FNDC3A: variants seen among roughly 807,000 people sequenced by gnomAD.
FNDC3A encodes the protein fibronectin type-III domain-containing protein 3A.
FNDC3A carries 32 observed loss-of-function variants against 148.9 expected under a neutral mutation model. That is an observed-to-expected ratio of 0.21 (90% CI 0.16 to 0.29). FNDC3A has a LOEUF of 0.29. Among genes scored for constraint, FNDC3A ranks in the 10% least tolerant of loss-of-function variants. The pLI is 1.00. For synonymous variants in FNDC3A, 472 were observed against 473.6 expected (o/e 1.00, Z 0.04); for missense variants, 1,191 against 1,452.8 (o/e 0.82, Z 2.93).
intron 2 of FNDC3A, among the ~76,000 whole-genome samples, chr13:49,041,661 A>G (rs921413241): frequency 9.2e-5 from 14 of 152,064 alleles, no homozygotes; most frequent in Non-Finnish European, 1.8e-4. Flanking sequence ...AACTACTAAA[A>G]TTGGCTGGGC....
chr13:49,146,547 G>GCC (rs1450340076), intron 8 of FNDC3A: 3 of 152,256 alleles, frequency 2.0e-5, no homozygotes, highest in Non-Finnish European at 2.9e-5. Context: ...GACCAGCCTG[G>GCC]CCAACACGGT....
At chr13:49,178,779 A>G (rs1407826) in intron 14 of FNDC3A, 125 bp downstream of exon 14, 544,128 of 550,618 alleles carry the variant, frequency 0.99, 268,928 homozygotes, top group South Asian at 1. Flanking sequence ...CTGTCACCCA[A>G]GCTGCTGCAG....
At chr13:48,989,898 C>G (rs1261373444) in intron 1 of FNDC3A, among the ~76,000 whole-genome samples, 1 of 152,008 alleles carries the variant, frequency 6.6e-6, no homozygotes, top group Non-Finnish European at 1.5e-5. Flanking sequence ...ATTACAGGTG[C>G]ATGCCACCAT....
intron 2 of FNDC3A, among the ~76,000 whole-genome samples, chr13:49,066,385 C>T (rs909088927): frequency 6.6e-6 from 1 of 151,414 alleles, no homozygotes; most frequent in Non-Finnish European, 1.5e-5. Context: ...TAGTTCATTG[C>T]TAGATAACCT....
intron 4 of FNDC3A, among the ~76,000 whole-genome samples, chr13:49,123,651 CA>C (rs1039246100): frequency 1.2e-3 from 157 of 134,850 alleles, no homozygotes; most frequent in African/African-American, 3.6e-3. Flanking sequence ...AACAAATTTA[CA>C]AAAAAAAAAA....
chr13:48,975,870 G>A (rs564487153), upstream of FNDC3A: 1,151 of 151,326 alleles, frequency 7.6e-3, 20 homozygotes, highest in African/African-American at 0.026. Flanking sequence ...CCGTCGGCGG[G>A]GCCCGCGCAG....
At chr13:49,020,013 T>A (rs996978080) in intron 2 of FNDC3A, among the ~76,000 whole-genome samples, 3 of 152,228 alleles carry the variant, frequency 2.0e-5, no homozygotes, top group African/African-American at 7.2e-5. Context: ...TACTTCATCT[T>A]AAGTTTGGAA....
intron 3 of FNDC3A, among the ~76,000 whole-genome samples, chr13:49,088,330 T>A (rs1878949286): frequency 6.6e-6 from 1 of 152,244 alleles, no homozygotes. Flanking sequence ...CACTTCATCA[T>A]GAAATTACTT....
At chr13:49,175,569 T>A in intron 13 of FNDC3A, 28 bp downstream of exon 13, 1 of 1,484,750 alleles carries the variant, frequency 6.7e-7, no homozygotes, top group Non-Finnish European at 9.2e-7. Context: ...TTTTAAATAG[T>A]GTATTTAAAA....
At chr13:49,177,674 A>G (rs1381419060) in intron 13 of FNDC3A, among the ~76,000 whole-genome samples, 2 of 152,244 alleles carry the variant, frequency 1.3e-5, no homozygotes, top group African/African-American at 4.8e-5. Flanking sequence ...AATGTGGTGT[A>G]TCCATACAAT....
chr13:49,174,500 A>C lies in FNDC3A; in HGVS notation c.1296A>C (p.Lys432Asn), dbSNP rs1313247013. ...CACAGAAACAATTTAAAATTACTAA[A>C]CTTTCACCAGCAATGGGCTGTAAAT... ...MGSQKQFKIT[K>N]LSPAMGCKFR... Residue 432 changes from lysine (K) to asparagine (N), a missense_variant, in exon 12 of 26, where the codon AAA becomes AAC. Coordinates refer to ENST00000492622, the MANE Select transcript of FNDC3A (RefSeq NM_001079673.2). The C allele has an allele frequency of 1.2e-6, 2 of 1,612,792 alleles. No homozygotes were observed. The highest frequency in any genetic ancestry group is 1.1e-5 in the South Asian group (1 of 91,016).
At chr13:49,167,646 C>T (rs904209268) in intron 9 of FNDC3A, among the ~76,000 whole-genome samples, 1 of 151,792 alleles carries the variant, frequency 6.6e-6, no homozygotes, top group Non-Finnish European at 1.5e-5. Flanking sequence ...GTTAAGACTG[C>T]AGTGAGCCAT....
chr13:49,165,539 C>T (rs943005298), intron 8 of FNDC3A, among the ~76,000 whole-genome samples: 1 of 152,086 alleles, frequency 6.6e-6, no homozygotes, highest in Non-Finnish European at 1.5e-5. Context: ...TGGGCCTGTC[C>T]TCGGGCCTCA....
intron 8 of FNDC3A, among the ~76,000 whole-genome samples, chr13:49,150,836 T>C (rs1048130774): frequency 6.6e-6 from 1 of 151,014 alleles, no homozygotes; most frequent in Non-Finnish European, 1.5e-5. Context: ...TCCCAGCTAC[T>C]CGGGAGGCTG....
chr13:49,106,639 C>T (rs1245059533), intron 3 of FNDC3A, among the ~76,000 whole-genome samples: 1 of 152,162 alleles, frequency 6.6e-6, no homozygotes, highest in African/African-American at 2.4e-5. Flanking sequence ...GCATTTATCA[C>T]TTTCAAATAT....
intron 2 of FNDC3A, among the ~76,000 whole-genome samples, chr13:49,029,221 A>T (rs1408151442): frequency 1.3e-5 from 2 of 152,178 alleles, no homozygotes; most frequent in Non-Finnish European, 2.9e-5. Context: ...AATACAAAGT[A>T]TTTTCTTCAA....
chr13:49,115,365 C>T (rs1452284213), intron 4 of FNDC3A, among the ~76,000 whole-genome samples: 7 of 152,142 alleles, frequency 4.6e-5, no homozygotes, highest in South Asian at 2.1e-4. Context: ...ATGGTCTGCA[C>T]GCTTTGCCTC....
chr13:49,078,033 T>A (rs1178031582), intron 3 of FNDC3A, among the ~76,000 whole-genome samples: 1 of 152,224 alleles, frequency 6.6e-6, no homozygotes, highest in East Asian at 1.9e-4. Flanking sequence ...TTTGTACATC[T>A]CTTTTCAAAT....
chr13:48,980,533 A>G lies in FNDC3A; in HGVS notation c.-40+4356A>G, dbSNP rs542836542. On this transcript the variant is annotated intron_variant, in intron 1 of 25. Transcript: ENST00000492622. ...ATATCATGTGCACATTAAGGCACGG[A>G]AGAAAGACCTAGAGATCTCTTTACA... Among the ~76,000 whole-genome samples the G allele has an allele frequency of 9.3e-4, 141 of 152,332 alleles. 1 individual carries two copies. The highest frequency in any genetic ancestry group is 3.2e-3 in the African/African-American group (134 of 41,588).
Sources: gnomAD v4.1 joint callset for allele counts (sites outside exome capture counted in the v4.1 genomes callset) on GRCh38, gnomAD v4.1.1 for gene constraint, MANE v1.5 for transcripts, NCBI Gene and HGNC (gene_info 2026-07-23, HGNC 2026-07-21) for gene names.